Variants in ZNF583 observed in about 807,000 individuals in gnomAD.
ZNF583 encodes the protein zinc finger protein L3-5.
Under a neutral mutation model 55.3 loss-of-function variants are expected in ZNF583, and 30 were observed. The observed-to-expected ratio is 0.54, with a 90% confidence interval of 0.41 to 0.74. The LOEUF (loss-of-function observed/expected upper bound fraction) is 0.74. Among genes scored for constraint, ZNF583 ranks in the 30% least tolerant of loss-of-function variants. The pLI is 0.00. For synonymous variants in ZNF583, 208 were observed against 220.0 expected (o/e 0.95, Z 0.48); for missense variants, 504 against 664.7 (o/e 0.76, Z 2.66).
At chr19:56,406,941 G>T in intron 1 of ZNF583, 85 bp from the exon 2 acceptor site, 1 of 601,674 alleles carries the variant, frequency 1.7e-6, no homozygotes, top group Non-Finnish European at 2.9e-6. Context: ...GAAAGAAGGA[G>T]AAAGAGAAGG....
rs1231121744 is a variant in ZNF583 at position 56,417,045 on chromosome 19, T to A, written c.232+2605T>A. Among the ~76,000 whole-genome samples the A allele has an allele frequency of 3.9e-5, 6 of 152,352 alleles. No homozygotes were observed. In the East Asian group the frequency reaches 9.6e-4, roughly 24 times the overall value. ...CTCAGGATAATCATCTTGAAATTTA[T>A]CTGTATTGTTGCATGTATGAATGCA... On this transcript the variant is annotated intron_variant, in intron 4 of 4. Transcript: ENST00000333201.
Position 56,423,937 on chromosome 19 carries a change from CA to C in ZNF583, c.1280del (p.Gln427ArgfsTer122), listed in dbSNP as rs770271406. ...CCAAATTGCATACCTTGATCAACAT[CA>C]GAGGGTTCATACTGGAGAGAAACCC... ...FSQIAYLDQH[Q>X]RVHTGEKPYE... On this transcript the variant is annotated frameshift_variant, in exon 5 of 5. Transcript: ENST00000333201. LOFTEE classifies it high-confidence loss of function. The C allele has an allele frequency of 6.2e-7, 1 of 1,613,988 alleles. No homozygotes were observed. Among genetic ancestry groups the C allele is most frequent in the Non-Finnish European group, 8.5e-7 (1 of 1,179,962 alleles).
intron 4 of ZNF583, among the ~76,000 whole-genome samples, chr19:56,418,013 A>G (rs1434794756): frequency 3.9e-5 from 6 of 152,074 alleles, no homozygotes; most frequent in South Asian, 2.1e-4. Context: ...CTATATGTCT[A>G]TTGTCTCACC....
chr19:56,407,292 T>A (rs4801160), intron 2 of ZNF583, among the ~76,000 whole-genome samples, 169 bp downstream of exon 2: 4 of 152,122 alleles, frequency 2.6e-5, no homozygotes, highest in African/African-American at 9.7e-5. Context: ...CCTAGTTATC[T>A]TTTTTTCCAC....
In ZNF583 at chr19:56,423,121, A is replaced by C. The variant is rs2042444195; in HGVS notation, c.463A>C (p.Asn155His). ...TAAAGAAATCCTTCCAGAAGTTCAAAATAAAGAATATAACAAATCTTGGCA... is the reference window on the plus strand; with the variant it reads ...TAAAGAAATCCTTCCAGAAGTTCAACATAAAGAATATAACAAATCTTGGCA... ...THKEILPEVQ[N>H]KEYNKSWQTF... Residue 155 changes from asparagine (N) to histidine (H), a missense_variant, in exon 5 of 5, where the codon AAT becomes CAT. By Grantham distance (68) the Asn-to-His change is moderately conservative (BLOSUM62 1). Transcript: ENST00000333201. The C allele has an allele frequency of 6.2e-7, 1 of 1,612,024 alleles. No homozygotes were observed. Among genetic ancestry groups the C allele is most frequent in the East Asian group, 2.2e-5 (1 of 44,854 alleles).
chr19:56,418,128 T>C (rs2042357004), intron 4 of ZNF583, among the ~76,000 whole-genome samples: 1 of 152,236 alleles, frequency 6.6e-6, no homozygotes, highest in Non-Finnish European at 1.5e-5. Flanking sequence ...GCATTTCATA[T>C]AAATTTTAGA....
intron 1 of ZNF583, among the ~76,000 whole-genome samples, chr19:56,406,601 T>C (rs1045016026): frequency 3.3e-5 from 5 of 150,906 alleles, no homozygotes; most frequent in East Asian, 2.0e-4. Context: ...GGCGCGATCT[T>C]GGCTCACTGC....
chr19:56,406,892 A>C (rs11084448), intron 1 of ZNF583, 134 bp from the exon 2 acceptor site: 404,729 of 492,450 alleles, frequency 0.82, 167,214 homozygotes, highest in East Asian at 0.94. Flanking sequence ...ATATAAATGA[A>C]TTGCTCAGTG....
chr19:56,405,681 C>A (rs116767702), intron 1 of ZNF583, among the ~76,000 whole-genome samples: 1 of 151,752 alleles, frequency 6.6e-6, no homozygotes, highest in Non-Finnish European at 1.5e-5. Flanking sequence ...TCTGGGGGCA[C>A]GTGAGGAATT....
intron 2 of ZNF583, among the ~76,000 whole-genome samples, chr19:56,411,573 G>A (rs1402656333): frequency 6.6e-6 from 1 of 152,176 alleles, no homozygotes; most frequent in Non-Finnish European, 1.5e-5. Flanking sequence ...GATGTGTGTG[G>A]AACACTTTCC....
chr19:56,407,802 T>C (rs1008826679), intron 2 of ZNF583, among the ~76,000 whole-genome samples: 3 of 152,200 alleles, frequency 2.0e-5, no homozygotes, highest in Admixed American at 6.5e-5. Flanking sequence ...AAAAGACTAA[T>C]GGGAGAGCAC....
chr19:56,423,976 G>GA lies in ZNF583; in HGVS notation c.1320dup (p.Cys441MetfsTer6). On this transcript the variant is annotated frameshift_variant, in exon 5 of 5. Transcript: ENST00000333201. LOFTEE classifies it high-confidence loss of function. ...TGGAGAGAAACCCTATGAATGTATT[G>GA]AATGTGGGAAGGCCTTTAGCAATAG... is the stretch of plus-strand genomic sequence containing the variant. 6.2e-7 allele frequency: 1 copy of GA among 1,614,078 alleles called. No homozygotes were observed. Among genetic ancestry groups the GA allele is most frequent in the Non-Finnish European group, 8.5e-7 (1 of 1,179,998 alleles).
Position 56,424,386 on chromosome 19 carries a change from C to A in ZNF583, c.*18C>A. ...TCTCCTGAATATTTCTGGAATCCAC[C>A]TCTTGAATCCATTTCCATCCCATCA... is the stretch of plus-strand genomic sequence containing the variant. On this transcript the variant is annotated 3_prime_UTR_variant, in exon 5 of 5. Transcript: ENST00000333201. The A allele has an allele frequency of 1.9e-6, 2 of 1,040,420 alleles. No homozygotes were observed. The highest frequency in any genetic ancestry group is 1.6e-5 in the African/African-American group (1 of 63,250). The allele number at this position is 1,040,420 out of a possible 1,614,324, so 64.4% of individuals were successfully genotyped here. A position where few individuals can be genotyped will look rare whatever the true frequency, so the allele number is the denominator to read the frequency against.
chr19:56,422,265 G>T (rs549462953), intron 4 of ZNF583, among the ~76,000 whole-genome samples: 1 of 152,170 alleles, frequency 6.6e-6, no homozygotes, highest in African/African-American at 2.4e-5. Flanking sequence ...ACTAAGTTCT[G>T]TGCTAGGTTA....
chr19:56,420,913 A>G (rs910764889), intron 4 of ZNF583, among the ~76,000 whole-genome samples: 1 of 152,118 alleles, frequency 6.6e-6, no homozygotes, highest in African/African-American at 2.4e-5. Context: ...TGAGTCTACT[A>G]TTGTTTTCTC....
chr19:56,414,019 A>G lies in ZNF583; in HGVS notation c.70A>G (p.Asn24Asp), dbSNP rs1039400266. Residue 24 changes from asparagine (N) to aspartate (D), a missense_variant, in exon 3 of 5, where the codon AAC (asparagine) becomes GAC (aspartate). Around this residue, in one of 3 missense-constraint regions of ZNF583, gnomAD observed 204 missense variants for 235.2 expected, o/e 0.87. Coordinates refer to ENST00000333201, the MANE Select transcript of ZNF583 (RefSeq NM_152478.3). ...CTCTCAAGAGGAATGGGAATGGCTG[A>G]ACCCTGCTCAGAGGAATTTGTACAG... ...NFSQEEWEWL[N>D]PAQRNLYRKV... The G allele has an allele frequency of 1.9e-6, 3 of 1,612,904 alleles. No individual in the cohort carries two copies. The Admixed American group carries it at 5.0e-5, about 27-fold the overall frequency.
At chr19:56,410,715 G>A (rs532706560) in intron 2 of ZNF583, among the ~76,000 whole-genome samples, 8 of 151,618 alleles carry the variant, frequency 5.3e-5, no homozygotes, top group African/African-American at 1.9e-4. Flanking sequence ...AACACAAACA[G>A]CAACAACAAC....
At position 56,424,942 on chromosome 19, in the gene ZNF583, A is replaced by G. The variant is rs1196389646; in HGVS notation, c.*574A>G. On this transcript the variant is annotated 3_prime_UTR_variant, in exon 5 of 5. Transcript: ENST00000333201. ...GCATAAAGTAATTACTCAAACCATA[A>G]TGTAAAGTAAAAAGATAACCATACT... 1 of 153,096 alleles carries G rather than the reference A, an allele frequency of 6.5e-6. No homozygotes were observed. Among genetic ancestry groups the G allele is most frequent in the Admixed American group, 6.5e-5 (1 of 15,330 alleles). The allele number at this position is 153,096 out of a possible 1,614,324, so 9.5% of individuals were successfully genotyped here.
intron 4 of ZNF583, among the ~76,000 whole-genome samples, 175 bp from the exon 5 acceptor site, chr19:56,422,716 A>G (rs2042435105): frequency 6.6e-6 from 1 of 152,152 alleles, no homozygotes; most frequent in African/African-American, 2.4e-5. Flanking sequence ...GTTGTCAATG[A>G]TTATTTCCTT....
Sources: gnomAD v4.1 joint callset for allele counts (sites outside exome capture counted in the v4.1 genomes callset) on GRCh38, gnomAD v4.1.1 for gene constraint, gnomAD v4.1.1 regional missense constraint, MANE v1.5 for transcripts, NCBI Gene and HGNC (gene_info 2026-07-23, HGNC 2026-07-21) for gene names.